Variants in REPS2 observed in about 807,000 individuals in gnomAD.
REPS2 encodes ralBP1-associated Eps domain-containing protein 2.
A neutral mutation model predicts 53.6 loss-of-function variants in REPS2; 23 were observed. The ratio of observed to expected loss-of-function variants is 0.43; its 90% CI spans 0.31 to 0.61. The LOEUF is 0.61. Among genes scored for constraint, REPS2 ranks in the 20% least tolerant of loss-of-function variants. REPS2 has a pLI of 0.11. For synonymous variants in REPS2, 238 were observed against 218.6 expected, an observed-to-expected ratio of 1.09 and a Z score of -0.78; for missense variants, 446 against 534.9, an observed-to-expected ratio of 0.83 and a Z score of 1.64.
the REPS2 span, among the ~76,000 whole-genome samples, chrX:17,195,436 A>G: frequency 8.9e-6 from 1 of 112,127 alleles, no homozygotes; most frequent in African/African-American, 3.2e-5. Flanking sequence ...TAACAGTCTA[A>G]TGGTAAAATG....
At chrX:17,030,561 C>A (rs1184612929) in intron 5 of REPS2, among the ~76,000 whole-genome samples, 1 of 111,896 alleles carries the variant, frequency 8.9e-6, no homozygotes, top group Non-Finnish European at 1.9e-5. Context: ...TCATGGAATA[C>A]CTTCTGGGGA....
chrX:17,011,918 T>C (rs2061434121), intron 2 of REPS2, among the ~76,000 whole-genome samples: 1 of 100,083 alleles, frequency 1.0e-5, no homozygotes, highest in African/African-American at 3.8e-5. Context: ...GTCGAGATTG[T>C]GCCACTGCAC....
At chrX:16,966,921 C>T (rs972528645) in intron 1 of REPS2, among the ~76,000 whole-genome samples, 1 of 112,086 alleles carries the variant, frequency 8.9e-6, no homozygotes, top group East Asian at 2.8e-4. Context: ...CCAAATGAGG[C>T]GTACTTGTTA....
chrX:16,947,201 G>T (rs2060447965), intron 1 of REPS2, 67 bp downstream of exon 1: 3 of 952,322 alleles, frequency 3.2e-6, no homozygotes, highest in Admixed American at 5.7e-5. Context: ...GAGGTTGCGA[G>T]TGGGGCGACA....
the REPS2 span, among the ~76,000 whole-genome samples, chrX:17,160,649 TACAA>T: frequency 8.9e-6 from 1 of 111,806 alleles, no homozygotes; most frequent in Non-Finnish European, 1.9e-5. Context: ...AACACTTAGG[TACAA>T]ACAAATACCA....
intron 1 of REPS2, among the ~76,000 whole-genome samples, chrX:17,002,899 C>T (rs996415126): frequency 3.6e-5 from 4 of 112,002 alleles, no homozygotes; most frequent in Non-Finnish European, 7.5e-5. Flanking sequence ...TCTTATATTC[C>T]TGCAGGAACT....
the REPS2 span, among the ~76,000 whole-genome samples, chrX:17,182,597 C>T: frequency 8.9e-6 from 1 of 111,873 alleles, no homozygotes; most frequent in Non-Finnish European, 1.9e-5. Context: ...ACAGTCAGAA[C>T]TCACAGAGTC....
At chrX:16,967,118 T>C (rs927639522) in intron 1 of REPS2, among the ~76,000 whole-genome samples, 5 of 112,448 alleles carry the variant, frequency 4.4e-5, no homozygotes, top group African/African-American at 1.6e-4. Flanking sequence ...GGTTTCTGCA[T>C]TTTTAAATGG....
At chrX:17,112,691 A>G (rs750761057) in intron 14 of REPS2, among the ~76,000 whole-genome samples, 23 of 111,564 alleles carry the variant, frequency 2.1e-4, no homozygotes, top group African/African-American at 7.2e-4. Context: ...ATCAAAACCT[A>G]TGGGATGCAG....
intron 1 of REPS2, among the ~76,000 whole-genome samples, chrX:16,981,148 T>G (rs1433234681): frequency 8.9e-6 from 1 of 111,815 alleles, no homozygotes; most frequent in Non-Finnish European, 1.9e-5. Flanking sequence ...TCAGTTGTGT[T>G]CTTGCAGAAA....
intron 9 of REPS2, among the ~76,000 whole-genome samples, chrX:17,068,031 C>T (rs761928606): frequency 3.6e-5 from 4 of 111,790 alleles, no homozygotes; most frequent in Non-Finnish European, 5.6e-5. Context: ...AAGACATTTT[C>T]GGCTGGGCGC....
chrX:17,110,904 C>T (rs1300870072), intron 14 of REPS2, among the ~76,000 whole-genome samples: 3 of 110,739 alleles, frequency 2.7e-5, no homozygotes, highest in African/African-American at 9.9e-5. Context: ...ATCCCAGCTA[C>T]TCGGGAGGCT....
intron 14 of REPS2, among the ~76,000 whole-genome samples, chrX:17,124,693 C>T (rs1379221470): frequency 9.0e-6 from 1 of 110,662 alleles, no homozygotes; most frequent in Non-Finnish European, 1.9e-5. Context: ...TTCTTGTCTG[C>T]CTAGAATTTA....
intron 3 of REPS2, among the ~76,000 whole-genome samples, chrX:17,022,706 C>T (rs766888429): frequency 1.5e-4 from 17 of 112,130 alleles, no homozygotes; most frequent in Non-Finnish European, 3.0e-4. Flanking sequence ...AGGACTAAAT[C>T]CTCAGTCTTG....
rs1400239530 is a variant in REPS2, at chrX:16,946,792, C to T, written c.-70C>T. ...GCGGCGGCAGCTGAGGCCGAGGAGG[C>T]GGTGGCTGTGGCGGACGCAGCAGCA... On this transcript the variant is annotated 5_prime_UTR_variant, in exon 1 of 18. Transcript: ENST00000357277. 2.6e-6 allele frequency: 2 copies of T among 756,621 alleles called. No individual in the cohort carries two copies. Among genetic ancestry groups the T allele is most frequent in the Non-Finnish European group, 3.1e-6 (2 of 645,578 alleles). The allele number at this position is 756,621 out of a possible 1,213,427, so 62.4% of individuals were successfully genotyped here. A position where few individuals can be genotyped will look rare whatever the true frequency, so the allele number is the denominator to read the frequency against.
chrX:16,985,996 A>G (rs1023642007), intron 1 of REPS2, among the ~76,000 whole-genome samples: 2 of 111,785 alleles, frequency 1.8e-5, no homozygotes, highest in Non-Finnish European at 3.8e-5. Flanking sequence ...GACTGGTGCT[A>G]TTTTCCAATC....
chrX:17,036,687 TA>T (rs201493333), intron 5 of REPS2, among the ~76,000 whole-genome samples: 3 of 110,502 alleles, frequency 2.7e-5, no homozygotes, highest in Non-Finnish European at 1.9e-5. Flanking sequence ...AGATTAGGGC[TA>T]AAAAAAAATC....
chrX:17,004,904 A>C (rs2061345792), intron 1 of REPS2, among the ~76,000 whole-genome samples: 1 of 109,602 alleles, frequency 9.1e-6, no homozygotes, highest in Admixed American at 9.7e-5. Context: ...GGGTCTTGCT[A>C]TGTTGCCCAT....
At chrX:17,117,735 A>C (rs2063075973) in intron 14 of REPS2, among the ~76,000 whole-genome samples, 1 of 109,381 alleles carries the variant, frequency 9.1e-6, no homozygotes, top group African/African-American at 3.3e-5. Context: ...CAATAAACAT[A>C]CGTGTGCATG....
Sources: allele counts gnomAD v4.1 joint callset (sites outside exome capture counted in the v4.1 genomes callset), GRCh38; gene constraint gnomAD v4.1.1; transcripts MANE v1.5; gene names NCBI Gene and HGNC (gene_info 2026-07-23, HGNC 2026-07-21).